MMP26: variants seen among roughly 807,000 people sequenced by gnomAD.
MMP26 encodes matrix metalloproteinase-26.
A neutral mutation model predicts 31.0 loss-of-function variants in MMP26; 33 were observed. That is an observed-to-expected ratio of 1.06 (90% CI 0.81 to 1.42). The LOEUF (loss-of-function observed/expected upper bound fraction) is 1.42. MMP26 is among the 40% of genes most tolerant of loss of function. MMP26 has a pLI of 0.00. For missense variants in MMP26, 347 were observed against 316.1 expected (o/e 1.10, Z -0.74); for synonymous variants, 122 against 114.9 (o/e 1.06, Z -0.40).
At chr11:4,912,964 C>T (rs1273045833) in intron 2 of MMP26, 1 of 152,006 alleles carries the variant, frequency 6.6e-6, no homozygotes, top group African/African-American at 2.4e-5. Flanking sequence ...AAAAAACAAG[C>T]TGTAACTATT....
chr11:4,772,052 T>C (rs1052038975), intron 2 of MMP26, among the ~76,000 whole-genome samples: 6 of 152,126 alleles, frequency 3.9e-5, no homozygotes, highest in Admixed American at 2.0e-4. Context: ...ATGGACTTTA[T>C]AGTAAGGTAG....
At chr11:4,986,515 T>C (rs1379658603) in intron 2 of MMP26, among the ~76,000 whole-genome samples, 1 of 18,342 alleles carries the variant, frequency 5.5e-5, no homozygotes, top group Admixed American at 4.5e-4. Context: ...CAGTCGATTT[T>C]TTTTTTTTTT....
chr11:4,970,137 T>A (rs974733193), intron 2 of MMP26, among the ~76,000 whole-genome samples: 1 of 152,212 alleles, frequency 6.6e-6, no homozygotes, highest in African/African-American at 2.4e-5. Flanking sequence ...TAAAGCATAG[T>A]AATACAAAAA....
At chr11:4,918,925 G>C (rs1173772719) in intron 2 of MMP26, among the ~76,000 whole-genome samples, 1 of 152,208 alleles carries the variant, frequency 6.6e-6, no homozygotes, top group Non-Finnish European at 1.5e-5. Flanking sequence ...ACTTGTGTCT[G>C]AGACTAGGGG....
At chr11:4,720,005 T>G (rs1257132409) in intron 1 of MMP26, among the ~76,000 whole-genome samples, 1 of 152,248 alleles carries the variant, frequency 6.6e-6, no homozygotes, top group Non-Finnish European at 1.5e-5. Context: ...AAACGAAATT[T>G]ACCATAGACA....
chr11:4,856,304 A>C (rs1392081901), intron 2 of MMP26, among the ~76,000 whole-genome samples: 6 of 152,240 alleles, frequency 3.9e-5, no homozygotes, highest in Non-Finnish European at 7.3e-5. Flanking sequence ...AAGACCCATC[A>C]GTGTGCTGTA....
intron 2 of MMP26, among the ~76,000 whole-genome samples, chr11:4,980,743 T>C (rs1448477930): frequency 6.6e-6 from 1 of 151,530 alleles, no homozygotes; most frequent in Admixed American, 6.6e-5. Flanking sequence ...CAAAATAATA[T>C]AAACAATTTT....
intron 1 of MMP26, among the ~76,000 whole-genome samples, chr11:4,741,510 A>G (rs1343112979): frequency 2.6e-5 from 4 of 152,166 alleles, no homozygotes; most frequent in Non-Finnish European, 5.9e-5. Flanking sequence ...GACATGGATG[A>G]AGCTGGAAGC....
intron 2 of MMP26, chr11:4,923,624 G>T: frequency 6.2e-7 from 1 of 1,614,086 alleles, no homozygotes; most frequent in Non-Finnish European, 8.5e-7. Flanking sequence ...GGTGTTGAGG[G>T]CTCGGAGTCG....
chr11:4,803,115 C>T (rs1449214141), intron 2 of MMP26, among the ~76,000 whole-genome samples: 2 of 152,122 alleles, frequency 1.3e-5, no homozygotes, highest in East Asian at 3.8e-4. Flanking sequence ...GTAAAAACAA[C>T]TTTTTTACCT....
chr11:4,867,387 C>CTTTT (rs3065176), intron 2 of MMP26, among the ~76,000 whole-genome samples: 130 of 98,248 alleles, frequency 1.3e-3, no homozygotes, highest in African/African-American at 2.4e-3. Context: ...AGATGCTGTC[C>CTTTT]TTTTTTTTTT....
chr11:4,804,564 C>T (rs768697112), intron 2 of MMP26: 1 of 773,958 alleles, frequency 1.3e-6, no homozygotes, highest in East Asian at 2.5e-5. Flanking sequence ...TACAACATGA[C>T]ATGATGTTAC....
intron 2 of MMP26, among the ~76,000 whole-genome samples, chr11:4,874,656 A>T (rs570991539): frequency 6.6e-6 from 1 of 151,976 alleles, no homozygotes; most frequent in African/African-American, 2.4e-5. Context: ...GTTCAGAGCC[A>T]CTATAGCACT....
chr11:4,868,664 T>C (rs1250445321), intron 2 of MMP26, among the ~76,000 whole-genome samples: 1 of 152,162 alleles, frequency 6.6e-6, no homozygotes, highest in African/African-American at 2.4e-5. Flanking sequence ...ACAGATTCAA[T>C]GCCATCTCCA....
intron 2 of MMP26, among the ~76,000 whole-genome samples, chr11:4,930,412 A>G (rs980415854): frequency 6.6e-6 from 1 of 152,090 alleles, no homozygotes; most frequent in African/African-American, 2.4e-5. Flanking sequence ...GAACAAAGTA[A>G]TAGTGTCAGT....
intron 2 of MMP26, among the ~76,000 whole-genome samples, chr11:4,857,952 T>A (rs1288250557): frequency 6.6e-6 from 1 of 152,140 alleles, no homozygotes; most frequent in Non-Finnish European, 1.5e-5. Context: ...ATCCATCATA[T>A]AAACAGAACC....
intron 2 of MMP26, among the ~76,000 whole-genome samples, chr11:4,789,530 CTTTTTTTT>C (rs71050429): frequency 3.5e-4 from 23 of 65,972 alleles, no homozygotes; most frequent in Admixed American, 1.1e-3. Context: ...TATCCCCCCA[CTTTTTTTT>C]TTTTTTTTTT....
chr11:4,746,339 T>G (rs1848379277), intron 1 of MMP26, among the ~76,000 whole-genome samples: 1 of 152,238 alleles, frequency 6.6e-6, no homozygotes, highest in East Asian at 1.9e-4. Context: ...AATAGTTGTG[T>G]TCTTTATTGA....
chr11:4,857,974 C>A (rs1389422134), intron 2 of MMP26, among the ~76,000 whole-genome samples: 1 of 152,108 alleles, frequency 6.6e-6, no homozygotes, highest in African/African-American at 2.4e-5. Flanking sequence ...AAGACAAAAA[C>A]CACATGATTA....
Sources: allele counts gnomAD v4.1 joint callset (sites outside exome capture counted in the v4.1 genomes callset), GRCh38; gene constraint gnomAD v4.1.1; transcripts MANE v1.5; gene names NCBI Gene and HGNC (gene_info 2026-07-23, HGNC 2026-07-21).